The following UBR2 variants were observed in gnomAD, a reference collection of about 807,000 sequenced individuals.
UBR2 encodes E3 ubiquitin-protein ligase UBR2.
Under a neutral mutation model 247.9 loss-of-function variants are expected in UBR2, and 92 were observed. The ratio of observed to expected loss-of-function variants is 0.37; its 90% confidence interval spans 0.31 to 0.44. The LOEUF (loss-of-function observed/expected upper bound fraction) is 0.44. Ranked by LOEUF, UBR2 falls within the 20% of genes least tolerant of loss-of-function variation. The pLI is 1.00. For synonymous variants in UBR2, 672 were observed against 693.5 expected, an observed-to-expected ratio of 0.97 and a Z score of 0.49; for missense variants, 1,613 against 2,112.6, an observed-to-expected ratio of 0.76 and a Z score of 4.64.
chr6:42,661,242 C>T (rs1477475718), intron 30 of UBR2, among the ~76,000 whole-genome samples: 5 of 151,630 alleles, frequency 3.3e-5, no homozygotes, highest in East Asian at 1.9e-4. Flanking sequence ...GAGTCGAGAT[C>T]GCGCCACTGC....
intron 2 of UBR2, among the ~76,000 whole-genome samples, chr6:42,579,086 C>CT (rs1791707316): frequency 6.6e-6 from 1 of 152,056 alleles, no homozygotes; most frequent in Non-Finnish European, 1.5e-5. Flanking sequence ...ATACCTGAGG[C>CT]TGGATAATTT....
rs1355042344 is a variant in UBR2, at chr6:42,673,878, C to T, written c.4174C>T (p.Leu1392Phe). Residue 1392 changes from leucine (L) to phenylalanine (F), a missense_variant, in exon 37 of 47, where the codon CTT (leucine) becomes TTT (phenylalanine). Leu to Phe is a conservative substitution (Grantham distance 22, BLOSUM62 0). Coordinates refer to ENST00000372901, the MANE Select transcript of UBR2 (RefSeq NM_001363705.2). The stretch of plus-strand genomic sequence containing the variant: ...AGTGGTGCAAGGACATTTTTGTAAA[C>T]TTTTTGCATGTGAGTATTAATACAT... ...VSVVQGHFCKLFASLVPNDSH... is the reference protein window; with the variant it reads ...VSVVQGHFCKFFASLVPNDSH... 1.2e-6 allele frequency: 2 copies of T among 1,612,394 alleles called. No homozygotes were observed. Among genetic ancestry groups the T allele is most frequent in the South Asian group, 1.1e-5 (1 of 90,754 alleles).
At chr6:42,655,062 A>G (rs902287005) in intron 25 of UBR2, among the ~76,000 whole-genome samples, 8 of 152,168 alleles carry the variant, frequency 5.3e-5, no homozygotes, top group Non-Finnish European at 8.8e-5. Flanking sequence ...AGCTGGTGTA[A>G]TTTTAGCTTA....
chr6:42,564,501 G>A (rs915936975), intron 1 of UBR2, 104 bp downstream of exon 1: 14 of 1,326,630 alleles, frequency 1.1e-5, no homozygotes, highest in Admixed American at 5.1e-5. Context: ...CAGACTTGGG[G>A]AAACAGCTGT....
Position 42,616,043 on chromosome 6 carries a change from C to T in UBR2, c.1135C>T (p.Leu379Phe). The change falls in exon 10 of 47, where the codon CTT (leucine) becomes TTT (phenylalanine). Residue 379 changes from leucine to phenylalanine, a missense_variant. Physicochemically the swap from Leu to Phe is conservative, Grantham distance 22. Transcript: ENST00000372901. ...TCATCAGTTGTTCATGAGCAGTCTG[C>T]TTATGGATTTGAAATACAAGAAACT... ...VYHQLFMSSL[L>F]MDLKYKKLFA... The T allele has an allele frequency of 6.2e-7, 1 of 1,605,788 alleles. No homozygotes were observed.
intron 11 of UBR2, among the ~76,000 whole-genome samples, chr6:42,632,067 A>ATATATATATATATATAT (rs60620486): frequency 1.2e-5 from 1 of 80,412 alleles, no homozygotes; most frequent in Admixed American, 1.4e-4. Flanking sequence ...AAAAAAAAAA[A>ATATATATATATATATAT]AAATATATAT....
chr6:42,635,307 C>G (rs959468487), intron 13 of UBR2, 111 bp from the exon 14 acceptor site: 1 of 1,112,578 alleles, frequency 9.0e-7, no homozygotes, highest in Admixed American at 2.8e-5. Context: ...AAACTTATAC[C>G]TTCTATGTTT....
intron 2 of UBR2, among the ~76,000 whole-genome samples, chr6:42,587,133 C>T (rs1298865993): frequency 6.6e-6 from 1 of 151,684 alleles, no homozygotes; most frequent in Admixed American, 6.6e-5. Flanking sequence ...ATGTTATAAA[C>T]CTTACAATGC....
At chr6:42,565,716 A>T (rs1316952929) in intron 1 of UBR2, among the ~76,000 whole-genome samples, 1 of 151,832 alleles carries the variant, frequency 6.6e-6, no homozygotes, top group Non-Finnish European at 1.5e-5. Flanking sequence ...ATGCACCACC[A>T]CGCCCGGCTA....
In UBR2 at chr6:42,603,599, T is replaced by G; in HGVS notation, c.543T>G (p.Val181=). Residue 181 remains valine, a synonymous_variant, in exon 5 of 47, where the codon GTT becomes GTG. Transcript: ENST00000372901. ...GTTGTTTCTTTCAGGATCCTCTTGT[T>G]CATTTATCAGAAGATGTGATAGCAA... is the stretch of plus-strand genomic sequence containing the variant. The part of the protein sequence containing the change: ...SEIEEEEDPL[V]HLSEDVIART... 1.3e-6 allele frequency: 2 copies of G among 1,570,888 alleles called. No individual in the cohort carries two copies. The highest frequency in any genetic ancestry group is 1.7e-6 in the Non-Finnish European group (2 of 1,168,888).
chr6:42,632,067 A>ATAT lies in UBR2; in HGVS notation c.1282-485_1282-484insTAT, dbSNP rs60620486. Reference sequence around the variant, plus strand: ...TGTATTTGCTTATTTAAAAAAAAAAAAAATATATATATATATATATATATG... The same window carrying ATAT: ...TGTATTTGCTTATTTAAAAAAAAAAATATAAATATATATATATATATATATATG... On this transcript the variant is annotated intron_variant, in intron 11 of 46. Transcript: ENST00000372901. 4.5e-3 allele frequency among the ~76,000 whole-genome samples: 361 copies of ATAT among 80,364 alleles called. 1 individual carries two copies. Among genetic ancestry groups the ATAT allele is most frequent in the South Asian group, 0.016 (40 of 2,522 alleles). 52.7% of individuals were successfully genotyped at this position (80,364 alleles called of 152,430 possible).
chr6:42,573,665 G>T (rs1340839965), intron 1 of UBR2, 69 bp from the exon 2 acceptor site: 21 of 1,397,892 alleles, frequency 1.5e-5, no homozygotes, highest in Admixed American at 5.5e-5. Flanking sequence ...CTAAAAGAAA[G>T]TAGGGTGAAT....
intron 4 of UBR2, among the ~76,000 whole-genome samples, chr6:42,595,718 T>TA (rs11452412): frequency 0.011 from 1,413 of 132,106 alleles, 6 homozygotes; most frequent in East Asian, 0.019. Context: ...ACCCTGTCTT[T>TA]AAAAAAAAAA....
At chr6:42,640,488 T>C (rs1353387638) in intron 16 of UBR2, among the ~76,000 whole-genome samples, 1 of 151,318 alleles carries the variant, frequency 6.6e-6, no homozygotes, top group Non-Finnish European at 1.5e-5. Context: ...AGGAACTGGC[T>C]CATGAAATTG....
At chr6:42,644,732 G>A (rs1796656077) in intron 20 of UBR2, among the ~76,000 whole-genome samples, 196 bp downstream of exon 20, 1 of 152,148 alleles carries the variant, frequency 6.6e-6, no homozygotes, top group Non-Finnish European at 1.5e-5. Flanking sequence ...TGCTTTGGAA[G>A]AAGGAGAAAA....
chr6:42,629,517 C>T (rs1329013197), intron 11 of UBR2, among the ~76,000 whole-genome samples: 1 of 151,916 alleles, frequency 6.6e-6, no homozygotes, highest in Non-Finnish European at 1.5e-5. Flanking sequence ...ATTAGCCAAG[C>T]GTGGTGGCAC....
chr6:42,606,470 T>C (rs1366434055), intron 6 of UBR2, 119 bp from the exon 7 acceptor site: 8 of 844,244 alleles, frequency 9.5e-6, no homozygotes, highest in South Asian at 6.6e-5. Context: ...AGGATGAGCA[T>C]TGTAAATATT....
At chr6:42,682,966 T>C in intron 42 of UBR2, 89 bp from the exon 43 acceptor site, 1 of 1,075,228 alleles carries the variant, frequency 9.3e-7, no homozygotes, top group East Asian at 2.5e-5. Flanking sequence ...AGAATATTAT[T>C]TTCCTCTTAT....
intron 2 of UBR2, among the ~76,000 whole-genome samples, chr6:42,584,014 T>G (rs1390907679): frequency 1.1e-5 from 1 of 89,370 alleles, no homozygotes; most frequent in Non-Finnish European, 2.3e-5. Flanking sequence ...TTTTTTTTTT[T>G]GATACAGAGT....
Sources: allele counts gnomAD v4.1 joint callset (sites outside exome capture counted in the v4.1 genomes callset), GRCh38; gene constraint gnomAD v4.1.1; transcripts MANE v1.5; gene names NCBI Gene and HGNC (gene_info 2026-07-23, HGNC 2026-07-21).